KDM7A: variants seen among roughly 807,000 people sequenced by gnomAD.
The protein encoded by KDM7A is lysine-specific demethylase 7A.
KDM7A carries 28 observed loss-of-function variants against 114.8 expected under a neutral mutation model. That is an observed-to-expected ratio of 0.24 (90% CI 0.18 to 0.33). The LOEUF (loss-of-function observed/expected upper bound fraction) is 0.33, where lower values mean the gene tolerates loss of function less well. KDM7A is among the 10% of genes least tolerant of loss of function. KDM7A has a pLI of 1.00. For synonymous variants in KDM7A, 423 were observed against 397.8 expected (o/e 1.06, Z -0.75); for missense variants, 942 against 1,142.5 (o/e 0.82, Z 2.53).
intron 1 of KDM7A, among the ~76,000 whole-genome samples, chr7:140,140,903 C>T (rs1228613860): frequency 6.6e-6 from 1 of 151,966 alleles, no homozygotes; most frequent in East Asian, 1.9e-4. Context: ...TCTGCAAGTG[C>T]TATGGTTACA....
At chr7:140,092,237 C>T (rs998307832) in intron 18 of KDM7A, 160 bp from the exon 19 acceptor site, 33 of 654,958 alleles carry the variant, frequency 5.0e-5, no homozygotes, top group Non-Finnish European at 7.0e-5. Context: ...TGCATGATGT[C>T]GTCTCAGTAG....
At chr7:140,099,779 A>C in intron 13 of KDM7A, 120 bp downstream of exon 13, 1 of 843,804 alleles carries the variant, frequency 1.2e-6, no homozygotes, top group Non-Finnish European at 1.9e-6. Flanking sequence ...TGGCTGAGAA[A>C]AAACTGTCTT....
chr7:140,102,229 C>A (rs1818242796), intron 11 of KDM7A, 69 bp from the exon 12 acceptor site: 2 of 1,113,788 alleles, frequency 1.8e-6, no homozygotes, highest in Non-Finnish European at 2.7e-6. Flanking sequence ...AAATAATCAT[C>A]CATAAAAATA....
intron 5 of KDM7A, among the ~76,000 whole-genome samples, 163 bp from the exon 6 acceptor site, chr7:140,126,986 G>C (rs1028029614): frequency 7.2e-5 from 11 of 152,214 alleles, no homozygotes; most frequent in Non-Finnish European, 1.3e-4. Context: ...TTGAGACAGA[G>C]TCTTGCTCTG....
At chr7:140,173,957 A>G (rs1794673391) in intron 1 of KDM7A, among the ~76,000 whole-genome samples, 1 of 152,098 alleles carries the variant, frequency 6.6e-6, no homozygotes, top group African/African-American at 2.4e-5. Context: ...TGAGGTCAAG[A>G]GTTCGAAACC....
At chr7:140,094,447 G>A (rs1443625795) in intron 17 of KDM7A, among the ~76,000 whole-genome samples, 2 of 152,134 alleles carry the variant, frequency 1.3e-5, no homozygotes, top group African/African-American at 4.8e-5. Context: ...GGAGGTTGCA[G>A]TGAGTTGAGA....
chr7:140,135,755 T>C (rs1038379629), intron 2 of KDM7A, among the ~76,000 whole-genome samples: 1 of 151,908 alleles, frequency 6.6e-6, no homozygotes, highest in African/African-American at 2.4e-5. Flanking sequence ...TAAGAAATGC[T>C]AGAAAAAAGA....
In KDM7A at chr7:140,091,083, C is replaced by G. The variant is rs373694967; in HGVS notation, c.*11G>C. On this transcript the variant is annotated 3_prime_UTR_variant, in exon 20 of 20. Coordinates refer to ENST00000397560, the MANE Select transcript of KDM7A (RefSeq NM_030647.2). ...TCTCCAAAGGGAAGAATGGCTGCAA[C>G]AGCAGCTCTGTCACACAAAGAAACG... is the stretch of plus-strand genomic sequence containing the variant. 43 of 1,599,652 alleles carry G rather than the reference C, an allele frequency of 2.7e-5. No individual in the cohort carries two copies. In the African/African-American group the frequency reaches 4.9e-4, roughly 18 times the overall value.
chr7:140,124,832 G>A, intron 6 of KDM7A, 49 bp from the exon 7 acceptor site: 2 of 1,167,518 alleles, frequency 1.7e-6, no homozygotes, highest in East Asian at 2.5e-5. Context: ...GCCATACTTA[G>A]GATAGCCTAC....
chr7:140,161,379 C>T (rs1266090207), intron 1 of KDM7A, among the ~76,000 whole-genome samples: 1 of 152,242 alleles, frequency 6.6e-6, no homozygotes, highest in Non-Finnish European at 1.5e-5. Flanking sequence ...TGGTCCCATA[C>T]ATCACTGACC....
intron 1 of KDM7A, among the ~76,000 whole-genome samples, chr7:140,163,153 C>A (rs1794538955): frequency 6.6e-6 from 1 of 151,972 alleles, no homozygotes; most frequent in African/African-American, 2.4e-5. Context: ...CGCCATCATG[C>A]CCGACTAATT....
chr7:140,117,035 C>G (rs1271786221), intron 9 of KDM7A, among the ~76,000 whole-genome samples: 1 of 152,194 alleles, frequency 6.6e-6, no homozygotes, highest in African/African-American at 2.4e-5. Context: ...AATTTGGGGT[C>G]ACAAGACCAC....
intron 2 of KDM7A, among the ~76,000 whole-genome samples, chr7:140,134,223 G>C (rs1306137012): frequency 6.6e-6 from 1 of 152,192 alleles, no homozygotes; most frequent in Non-Finnish European, 1.5e-5. Context: ...TTATTCCAAT[G>C]CTAAGACCCT....
intron 1 of KDM7A, among the ~76,000 whole-genome samples, chr7:140,173,961 C>G (rs974736027): frequency 6.6e-6 from 1 of 151,834 alleles, no homozygotes; most frequent in Non-Finnish European, 1.5e-5. Context: ...GTCAAGAGTT[C>G]GAAACCAGTG....
intron 1 of KDM7A, among the ~76,000 whole-genome samples, chr7:140,151,862 T>C (rs1382864746): frequency 1.3e-5 from 2 of 152,182 alleles, no homozygotes; most frequent in Non-Finnish European, 2.9e-5. Flanking sequence ...CCATTGCAAG[T>C]ACAGAAGGGA....
At chr7:140,113,911 G>T (rs11979761) in intron 9 of KDM7A, among the ~76,000 whole-genome samples, 42,469 of 151,930 alleles carry the variant, frequency 0.28, 6,156 homozygotes, top group Middle Eastern at 0.31. Flanking sequence ...CTTCCAAAGT[G>T]CTGGGATTAT....
At chr7:140,151,284 C>T (rs576669310) in intron 1 of KDM7A, among the ~76,000 whole-genome samples, 146 of 152,226 alleles carry the variant, frequency 9.6e-4, no homozygotes, top group Middle Eastern at 6.8e-3. Context: ...ATGAAAGCTT[C>T]GTTGGACTTT....
In KDM7A at chr7:140,088,011, T is replaced by TCCC. The variant is rs1288031533; in HGVS notation, c.*3082_*3083insGGG. On this transcript the variant is annotated 3_prime_UTR_variant, in exon 20 of 20. Coordinates refer to ENST00000397560, the MANE Select transcript of KDM7A (RefSeq NM_030647.2). ...TGCTGGGCACACAGTAGATGTTTGA[T>TCCC]AAATACCTGTTGATCCCATATAAAT... 1 of 152,176 alleles carries TCCC rather than the reference T, an allele frequency of 6.6e-6. No homozygotes were observed. The allele number at this position is 152,176 out of a possible 1,614,324, so 9.4% of individuals were successfully genotyped here.
rs768054508 is a variant in KDM7A at position 140,119,156 on chromosome 7, G to A, written c.1203C>T (p.Ala401=). 16 of 1,608,536 alleles carry A rather than the reference G, an allele frequency of 9.9e-6. No homozygotes were observed. The East Asian group carries it at 3.6e-4, about 36-fold the overall frequency. The stretch of plus-strand genomic sequence containing the variant: ...AGTTTTTGGCTACAAACCAACATAT[G>A]GCTTCAAAGAAAGGGAATTTGAAAA... The part of the protein sequence containing the change: ...PDLFKFPFFE[A]ICWFVAKNLL... The change falls in exon 9 of 20, where the codon GCC becomes GCT. Residue 401 remains alanine, a synonymous_variant. Coordinates refer to ENST00000397560, the MANE Select transcript of KDM7A (RefSeq NM_030647.2).
Sources: allele counts gnomAD v4.1 joint callset (sites outside exome capture counted in the v4.1 genomes callset), GRCh38; gene constraint gnomAD v4.1.1; transcripts MANE v1.5; gene names NCBI Gene and HGNC (gene_info 2026-07-23, HGNC 2026-07-21).